UTRN: variants seen among roughly 807,000 people sequenced by gnomAD.
The protein encoded by UTRN is utrophin.
A neutral mutation model predicts 463.9 loss-of-function variants in UTRN; 283 were observed. The ratio of observed to expected loss-of-function variants is 0.61; its 90% CI spans 0.55 to 0.67. The LOEUF (loss-of-function observed/expected upper bound fraction) is 0.67. Ranked by LOEUF, UTRN falls within the 30% of genes least tolerant of loss-of-function variation. The probability of loss-of-function intolerance (pLI) is 0.00; values close to 1 mark genes in which losing one functional copy is unlikely to be tolerated. For missense variants in UTRN, 3,922 were observed against 4,084.3 expected, an observed-to-expected ratio of 0.96 and a Z score of 1.08; for synonymous variants, 1,442 against 1,431.5, an observed-to-expected ratio of 1.01 and a Z score of -0.17.
intron 1 of UTRN, among the ~76,000 whole-genome samples, chr6:144,291,002 C>A (rs934393609): frequency 4.6e-5 from 7 of 151,754 alleles, no homozygotes; most frequent in African/African-American, 1.5e-4. Flanking sequence ...TCTCGAACTC[C>A]TGACCTCGTG....
chr6:144,604,779 G>C (rs1382468047), intron 51 of UTRN, among the ~76,000 whole-genome samples: 2 of 152,078 alleles, frequency 1.3e-5, no homozygotes, highest in Non-Finnish European at 2.9e-5. Flanking sequence ...GCCGGGCATG[G>C]TGGCAGGCAT....
chr6:144,468,072 G>T (rs1040153723), intron 23 of UTRN, among the ~76,000 whole-genome samples: 6 of 150,946 alleles, frequency 4.0e-5, no homozygotes, highest in African/African-American at 7.3e-5. Context: ...TGGACATTCC[G>T]ACAGATGGGG....
At chr6:144,587,932 C>T (rs927889140) in intron 51 of UTRN, among the ~76,000 whole-genome samples, 1 of 152,040 alleles carries the variant, frequency 6.6e-6, no homozygotes, top group Non-Finnish European at 1.5e-5. Context: ...ATGAGAAAGT[C>T]TTGGTTAGAT....
chr6:144,651,961 AC>A (rs1240446652), intron 51 of UTRN, among the ~76,000 whole-genome samples: 4 of 150,870 alleles, frequency 2.7e-5, no homozygotes, highest in African/African-American at 9.8e-5. Flanking sequence ...TTTATCCCTC[AC>A]CCCCCTCCCA....
chr6:144,696,327 C>A (rs531579300), intron 52 of UTRN, among the ~76,000 whole-genome samples: 1 of 151,984 alleles, frequency 6.6e-6, no homozygotes, highest in Non-Finnish European at 1.5e-5. Flanking sequence ...CTGGTTAATA[C>A]AATTGCTGCT....
chr6:144,647,857 A>G (rs543747539), intron 51 of UTRN, among the ~76,000 whole-genome samples: 2 of 152,310 alleles, frequency 1.3e-5, no homozygotes, highest in African/African-American at 2.4e-5. Flanking sequence ...GTATTTTTTC[A>G]TGGTGTCTAG....
chr6:144,632,640 G>C (rs929063660), intron 51 of UTRN, among the ~76,000 whole-genome samples: 1 of 151,954 alleles, frequency 6.6e-6, no homozygotes, highest in African/African-American at 2.4e-5. Context: ...CATCTTAACA[G>C]CAAGAGCATA....
chr6:144,516,526 A>C (rs1313812729), intron 38 of UTRN, 139 bp downstream of exon 38: 4 of 1,014,968 alleles, frequency 3.9e-6, no homozygotes, highest in Non-Finnish European at 4.2e-6. Context: ...GATGTGTGTC[A>C]ATGTAAGAGT....
At chr6:144,828,962 A>G (rs1295815111) in intron 69 of UTRN, 107 bp downstream of exon 69, 1 of 1,323,856 alleles carries the variant, frequency 7.6e-7, no homozygotes. Flanking sequence ...CCCAATCAAA[A>G]TTATTAAGTG....
chr6:144,498,714 G>T (rs1041987752), intron 33 of UTRN, among the ~76,000 whole-genome samples: 1 of 151,812 alleles, frequency 6.6e-6, no homozygotes, highest in Non-Finnish European at 1.5e-5. Flanking sequence ...GAGTGCAGTG[G>T]CAGGATCACG....
rs780469923 is a variant in UTRN, at chr6:144,482,411, G to GTTGTTA, written c.3687+25_3687+26insGTTATT. 8.4e-4 allele frequency: 844 copies of GTTGTTA among 1,002,604 alleles called. 2 individuals are homozygous for GTTGTTA. The African/African-American group carries it at 0.013, about 16-fold the overall frequency. The allele number at this position is 1,002,604 out of a possible 1,614,324, so 62.1% of individuals were successfully genotyped here. ...GAGGTATGCTATTATTATTATTGTT[G>GTTGTTA]TTATTATTATTATTATTATTATTAT... On this transcript the variant is annotated intron_variant, in intron 27 of 74. Coordinates refer to ENST00000367545, the MANE Select transcript of UTRN (RefSeq NM_007124.3).
chr6:144,292,253 C>A (rs1356651294), intron 2 of UTRN, among the ~76,000 whole-genome samples: 1 of 152,146 alleles, frequency 6.6e-6, no homozygotes, highest in Non-Finnish European at 1.5e-5. Flanking sequence ...GTAGGAAGTG[C>A]CACAGTTTCT....
rs1562948979 is a variant in UTRN at position 144,819,907 on chromosome 6, TC to T, written c.9358-973del. ...CTCCTCCTCCTCCTCCTCCTCCTCC[TC>T]CTCCTCTCTCTCTCTCTCTCTCTCT... On this transcript the variant is annotated intron_variant, in intron 65 of 74. Coordinates refer to ENST00000367545, the MANE Select transcript of UTRN (RefSeq NM_007124.3). 2.4e-4 allele frequency among the ~76,000 whole-genome samples: 27 copies of T among 114,226 alleles called. No individual in the cohort carries two copies. In the East Asian group the frequency reaches 3.7e-3, roughly 16 times the overall value. The allele number at this position is 114,226 out of a possible 152,430, so 74.9% of individuals were successfully genotyped here.
At chr6:144,308,466 T>C (rs1411295283) in intron 2 of UTRN, among the ~76,000 whole-genome samples, 21 of 151,862 alleles carry the variant, frequency 1.4e-4, no homozygotes, top group Non-Finnish European at 2.9e-5. Context: ...ATTTTTGTAT[T>C]TTTTTTTGTA....
chr6:144,658,024 C>T (rs1318785742), intron 51 of UTRN, among the ~76,000 whole-genome samples: 1 of 152,168 alleles, frequency 6.6e-6, no homozygotes, highest in Non-Finnish European at 1.5e-5. Flanking sequence ...TTCCCTGTGG[C>T]CACTTTCTCT....
At chr6:144,513,746 A>G (rs1795372732) in intron 35 of UTRN, among the ~76,000 whole-genome samples, 163 bp from the exon 36 acceptor site, 2 of 152,188 alleles carry the variant, frequency 1.3e-5, no homozygotes, top group African/African-American at 4.8e-5. Flanking sequence ...ATTTTTAGGA[A>G]TAAGATGAGT....
intron 2 of UTRN, among the ~76,000 whole-genome samples, chr6:144,306,901 C>CAA (rs773320680): frequency 0.02 from 2,666 of 132,656 alleles, 88 homozygotes; most frequent in African/African-American, 0.069. Context: ...ACTAAAAATA[C>CAA]AAAAAAAAAA....
chr6:144,753,923 C>T (rs1791681883), intron 56 of UTRN, among the ~76,000 whole-genome samples: 5 of 151,902 alleles, frequency 3.3e-5, no homozygotes, highest in African/African-American at 1.2e-4. Context: ...ACGAAGAGTA[C>T]ATTAATATGC....
At chr6:144,628,580 A>G (rs909793803) in intron 51 of UTRN, among the ~76,000 whole-genome samples, 4 of 152,188 alleles carry the variant, frequency 2.6e-5, no homozygotes, top group South Asian at 2.1e-4. Flanking sequence ...TTTTTCTCTA[A>G]TAGACATGCT....
Sources: allele counts gnomAD v4.1 joint callset (sites outside exome capture counted in the v4.1 genomes callset), GRCh38; gene constraint gnomAD v4.1.1; transcripts MANE v1.5; gene names NCBI Gene and HGNC (gene_info 2026-07-23, HGNC 2026-07-21).